The following DNM3 variants were observed in gnomAD, a reference collection of about 807,000 sequenced individuals.
The protein encoded by DNM3 is dynamin-3.
DNM3 carries 47 observed loss-of-function variants against 101.6 expected under a neutral mutation model. That is an observed-to-expected ratio of 0.46 (90% CI 0.37 to 0.59). The LOEUF is 0.59. Among genes scored for constraint, DNM3 ranks in the 20% least tolerant of loss-of-function variants. DNM3 has a pLI of 0.00. For synonymous variants in DNM3, 385 were observed against 387.9 expected (o/e 0.99, Z 0.09); for missense variants, 849 against 1,085.7 (o/e 0.78, Z 3.06).
In DNM3 at chr1:172,068,767, T is replaced by G. The variant is rs61510803; in HGVS notation, c.1336-52T>G. On this transcript the variant is annotated intron_variant, in intron 10 of 20. Coordinates refer to ENST00000627582, the MANE Select transcript of DNM3 (RefSeq NM_015569.5). ...AACATAATTTATCTCTGCTTCTTTT[T>G]TGGTAGTGTAACTTTTTGAGTATTA... 6.2e-3 allele frequency: 8,756 copies of G among 1,417,860 alleles called. 399 individuals carry two copies. The African/African-American group carries it at 0.1, about 17-fold the overall frequency. 87.8% of individuals were successfully genotyped at this position (1,417,860 alleles called of 1,614,324 possible).
chr1:172,292,624 C>CACACACAT (rs1553224094), intron 15 of DNM3, among the ~76,000 whole-genome samples: 48 of 135,434 alleles, frequency 3.5e-4, no homozygotes, highest in African/African-American at 1.0e-3. Flanking sequence ...CACACACACA[C>CACACACAT]GCGCGTGCGT....
At chr1:172,363,247 A>G (rs912596903) in intron 17 of DNM3, among the ~76,000 whole-genome samples, 2 of 151,940 alleles carry the variant, frequency 1.3e-5, no homozygotes, top group Admixed American at 1.3e-4. Context: ...TTCTAAATCT[A>G]CATTTTCTGT....
intron 13 of DNM3, among the ~76,000 whole-genome samples, chr1:172,115,472 C>T (rs1373559201): frequency 6.6e-6 from 1 of 152,162 alleles, no homozygotes; most frequent in Non-Finnish European, 1.5e-5. Flanking sequence ...GTTCAAAACC[C>T]TCTAGTGATT....
At chr1:172,223,426 G>A (rs1279366578) in intron 14 of DNM3, among the ~76,000 whole-genome samples, 2 of 151,614 alleles carry the variant, frequency 1.3e-5, no homozygotes, top group Non-Finnish European at 2.9e-5. Context: ...ATAAATTTTT[G>A]ACCATTAGTC....
chr1:172,159,561 G>A (rs182931152), intron 14 of DNM3, among the ~76,000 whole-genome samples: 75 of 152,206 alleles, frequency 4.9e-4, no homozygotes, highest in African/African-American at 1.7e-3. Context: ...AGTAGATGAT[G>A]TGACTATCAA....
intron 2 of DNM3, among the ~76,000 whole-genome samples, chr1:171,936,086 A>G (rs537870875): frequency 7.2e-5 from 11 of 151,962 alleles, no homozygotes; most frequent in African/African-American, 2.4e-4. Flanking sequence ...GCTGGGAGCG[A>G]TGGGTCATAC....
intron 15 of DNM3, among the ~76,000 whole-genome samples, chr1:172,256,666 T>C (rs2062411355): frequency 6.6e-6 from 1 of 151,958 alleles, no homozygotes; most frequent in African/African-American, 2.4e-5. Flanking sequence ...TTTTTTCTAT[T>C]CCAATAATTT....
At chr1:172,006,804 G>C (rs537327141) in intron 4 of DNM3, among the ~76,000 whole-genome samples, 2 of 152,154 alleles carry the variant, frequency 1.3e-5, no homozygotes, top group Admixed American at 1.3e-4. Flanking sequence ...TTGCCAGTCA[G>C]TGTCTATTCT....
Position 172,122,890 on chromosome 1 carries a change from C to G in DNM3, c.1546-8285C>G, listed in dbSNP as rs565982992. 3.3e-5 allele frequency among the ~76,000 whole-genome samples: 5 copies of G among 152,236 alleles called. No individual in the cohort carries two copies. In the East Asian group the frequency reaches 9.7e-4, roughly 29 times the overall value. ...TAGAAGTACAATCTCATTTTCCTCA[C>G]CTATCGGGGAGGAAAATGTTCCTTC... is the stretch of plus-strand genomic sequence containing the variant. On this transcript the variant is annotated intron_variant, in intron 13 of 20. Coordinates refer to ENST00000627582, the MANE Select transcript of DNM3 (RefSeq NM_015569.5).
At chr1:172,078,825 C>T (rs185775501) in intron 11 of DNM3, among the ~76,000 whole-genome samples, 5 of 152,180 alleles carry the variant, frequency 3.3e-5, no homozygotes, top group Admixed American at 2.6e-4. Context: ...CTGGTGGTGA[C>T]AAAATCACTC....
intron 14 of DNM3, among the ~76,000 whole-genome samples, chr1:172,193,846 G>A (rs1405054565): frequency 1.3e-5 from 2 of 151,972 alleles, no homozygotes; most frequent in Non-Finnish European, 2.9e-5. Flanking sequence ...AGAATTTTTT[G>A]TGTCTCTGTT....
At chr1:172,156,854 C>T (rs2058358128) in intron 14 of DNM3, among the ~76,000 whole-genome samples, 1 of 151,998 alleles carries the variant, frequency 6.6e-6, no homozygotes, top group South Asian at 2.1e-4. Context: ...AGACTTGATT[C>T]CCAACACTGC....
At chr1:172,403,520 T>C (rs2070661443) in intron 20 of DNM3, among the ~76,000 whole-genome samples, 1 of 152,138 alleles carries the variant, frequency 6.6e-6, no homozygotes, top group South Asian at 2.1e-4. Context: ...AAAACAATGA[T>C]GCATTCTTCT....
chr1:172,143,509 A>T (rs1427441262), intron 14 of DNM3, among the ~76,000 whole-genome samples: 1 of 151,716 alleles, frequency 6.6e-6, no homozygotes, highest in Admixed American at 6.6e-5. Context: ...CTTCCCTCCC[A>T]CCTTCCTCCC....
chr1:172,054,306 C>T (rs1363801480), intron 10 of DNM3, among the ~76,000 whole-genome samples: 1 of 152,246 alleles, frequency 6.6e-6, no homozygotes, highest in Non-Finnish European at 1.5e-5. Flanking sequence ...TACTTTCTCA[C>T]TGTTGTCTCT....
chr1:172,374,654 T>A (rs1405210366), intron 17 of DNM3, among the ~76,000 whole-genome samples: 5 of 152,126 alleles, frequency 3.3e-5, no homozygotes, highest in African/African-American at 1.2e-4. Flanking sequence ...TAAGATCAAC[T>A]GCATACCTAT....
chr1:172,070,675 A>G (rs1377807946), intron 11 of DNM3, among the ~76,000 whole-genome samples: 1 of 152,132 alleles, frequency 6.6e-6, no homozygotes, highest in African/African-American at 2.4e-5. Flanking sequence ...TCTGTTGTTA[A>G]CATTTTGTGT....
intron 15 of DNM3, among the ~76,000 whole-genome samples, chr1:172,282,585 A>G (rs1348005643): frequency 2.0e-5 from 3 of 152,232 alleles, no homozygotes; most frequent in African/African-American, 7.2e-5. Flanking sequence ...TGAAATTTCC[A>G]GAAGCTTACT....
intron 4 of DNM3, among the ~76,000 whole-genome samples, chr1:171,997,218 C>T (rs75146849): frequency 7.6e-4 from 115 of 152,104 alleles, no homozygotes; most frequent in African/African-American, 2.7e-3. Context: ...ACTGCCCACA[C>T]CCATATGATT....
Sources: allele counts gnomAD v4.1 joint callset (sites outside exome capture counted in the v4.1 genomes callset), GRCh38; gene constraint gnomAD v4.1.1; transcripts MANE v1.5; gene names NCBI Gene and HGNC (gene_info 2026-07-23, HGNC 2026-07-21).